COG5: variants seen among roughly 807,000 people sequenced by gnomAD.
The protein encoded by COG5 is component of oligomeric golgi complex 5.
Under a neutral mutation model 110.4 loss-of-function variants are expected in COG5, and 86 were observed. That is an observed-to-expected ratio of 0.78 (90% confidence interval 0.65 to 0.93). The LOEUF (loss-of-function observed/expected upper bound fraction) is 0.93. COG5 is among the 40% of genes least tolerant of loss of function. The probability of loss-of-function intolerance (pLI) is 0.00; values close to 1 mark genes in which losing one functional copy is unlikely to be tolerated. For missense variants in COG5, 1,077 were observed against 987.0 expected (o/e 1.09, Z -1.22); for synonymous variants, 360 against 334.6 (o/e 1.08, Z -0.83).
intron 6 of COG5, among the ~76,000 whole-genome samples, chr7:107,430,240 T>C (rs1012658716): frequency 8.5e-5 from 13 of 152,250 alleles, no homozygotes; most frequent in African/African-American, 2.4e-4. Context: ...TTTAGGTATA[T>C]GATACATTTT....
intron 6 of COG5, 68 bp downstream of exon 6, chr7:107,527,165 TCAAC>T: frequency 3.6e-6 from 5 of 1,384,658 alleles, no homozygotes; most frequent in Non-Finnish European, 4.9e-6. Flanking sequence ...ATAACAAAAG[TCAAC>T]CAATCAAGTG....
intron 6 of COG5, chr7:107,475,006 T>C (rs1291145889): frequency 6.2e-7 from 1 of 1,612,934 alleles, no homozygotes; most frequent in Admixed American, 1.7e-5. Context: ...CAGGATGTCT[T>C]TATTGATTAT....
chr7:107,274,572 A>G (rs1386136391), intron 14 of COG5, among the ~76,000 whole-genome samples: 1 of 152,142 alleles, frequency 6.6e-6, no homozygotes, highest in Non-Finnish European at 1.5e-5. Context: ...ATAGAGCAGA[A>G]GTTTTAATAT....
chr7:107,378,272 C>G (rs1004559175), intron 7 of COG5, among the ~76,000 whole-genome samples: 32 of 152,066 alleles, frequency 2.1e-4, no homozygotes, highest in Non-Finnish European at 4.1e-4. Flanking sequence ...TGAAGGTCAC[C>G]AACAGCAAAG....
chr7:107,469,477 T>C (rs1259171325), intron 6 of COG5, among the ~76,000 whole-genome samples: 1 of 152,072 alleles, frequency 6.6e-6, no homozygotes, highest in Admixed American at 6.6e-5. Context: ...GATTATTATT[T>C]TGAATGAATG....
intron 10 of COG5, among the ~76,000 whole-genome samples, chr7:107,341,403 A>G (rs910641444): frequency 1.3e-5 from 2 of 152,166 alleles, no homozygotes; most frequent in Non-Finnish European, 2.9e-5. Context: ...AAAACTTTCC[A>G]TGCTCATGGA....
intron 6 of COG5, among the ~76,000 whole-genome samples, chr7:107,449,470 T>A (rs914451301): frequency 6.6e-6 from 1 of 152,340 alleles, no homozygotes; most frequent in South Asian, 2.1e-4. Context: ...AAATGTTAAG[T>A]GATGCTATCA....
At chr7:107,209,422 G>A in intron 21 of COG5, 1 of 191,782 alleles carries the variant, frequency 5.2e-6, no homozygotes, top group South Asian at 1.8e-4. Flanking sequence ...GATTTCTGTG[G>A]GTGGTGACAT....
chr7:107,353,655 T>C (rs1812373786), intron 10 of COG5, among the ~76,000 whole-genome samples: 1 of 152,092 alleles, frequency 6.6e-6, no homozygotes, highest in African/African-American at 2.4e-5. Flanking sequence ...TAAACTAAAA[T>C]ACCACTTAGG....
intron 6 of COG5, among the ~76,000 whole-genome samples, chr7:107,426,324 G>C (rs996556537): frequency 6.6e-6 from 1 of 152,176 alleles, no homozygotes; most frequent in African/African-American, 2.4e-5. Flanking sequence ...GCACACAGCA[G>C]TTAATTAACT....
chr7:107,541,041 C>G (rs1801943272), intron 5 of COG5, among the ~76,000 whole-genome samples: 1 of 151,774 alleles, frequency 6.6e-6, no homozygotes, highest in South Asian at 2.1e-4. Context: ...ATCCCAGCTA[C>G]TCAGGAGGTT....
chr7:107,255,866 G>C (rs1314075339), intron 16 of COG5, among the ~76,000 whole-genome samples: 1 of 152,024 alleles, frequency 6.6e-6, no homozygotes, highest in Non-Finnish European at 1.5e-5. Context: ...TAAATATTTA[G>C]CAAATAAAGG....
rs112933242 is a variant in COG5, at chr7:107,533,546, A to C, written c.418-6189T>G. ...ACAAGTATCAATAGCCGAATAGATC[A>C]AGTGGAAGAAAGGATATCAGAGACT... On this transcript the variant is annotated intron_variant, in intron 5 of 21. Coordinates refer to ENST00000297135, the MANE Select transcript of COG5 (RefSeq NM_006348.5). Among the ~76,000 whole-genome samples, 788 of 151,798 alleles carry C rather than the reference A, an allele frequency of 5.2e-3. 33 individuals carry two copies. Among genetic ancestry groups the C allele is most frequent in the African/African-American group, 0.018 (744 of 41,046 alleles).
At chr7:107,330,181 G>A (rs1260454746) in intron 10 of COG5, among the ~76,000 whole-genome samples, 3 of 152,100 alleles carry the variant, frequency 2.0e-5, no homozygotes, top group Non-Finnish European at 2.9e-5. Flanking sequence ...ATCAATTCAG[G>A]GAAACATTTG....
At chr7:107,560,163 A>G (rs908674682) in intron 1 of COG5, among the ~76,000 whole-genome samples, 2 of 152,202 alleles carry the variant, frequency 1.3e-5, no homozygotes, top group South Asian at 2.1e-4. Flanking sequence ...TTTCACACAG[A>G]TATCTTAAAA....
intron 18 of COG5, among the ~76,000 whole-genome samples, chr7:107,235,905 C>T (rs1801150755): frequency 6.6e-6 from 1 of 152,182 alleles, no homozygotes; most frequent in Non-Finnish European, 1.5e-5. Context: ...ATCTCTCACA[C>T]ACATCAGATA....
intron 6 of COG5, among the ~76,000 whole-genome samples, chr7:107,493,888 T>G (rs1161138528): frequency 2.0e-5 from 3 of 152,164 alleles, no homozygotes. Context: ...TTCTTCTAAA[T>G]AAGGGAAAGA....
chr7:107,209,037 A>G (rs1798973603), intron 21 of COG5: 10 of 982,470 alleles, frequency 1.0e-5, no homozygotes, highest in Non-Finnish European at 1.2e-5. Context: ...GGCACTAGGA[A>G]TTTTCCAAGC....
In COG5 at chr7:107,202,482, C is replaced by T. The variant is rs1798401953; in HGVS notation, c.*1034G>A. On this transcript the variant is annotated 3_prime_UTR_variant, in exon 22 of 22. Coordinates refer to ENST00000297135, the MANE Select transcript of COG5 (RefSeq NM_006348.5). ...GCCCCTAAATTTTGCACACTATATT[C>T]TTGTATATTATTTCAAATAAATGGA... is the stretch of plus-strand genomic sequence containing the variant. The T allele has an allele frequency of 6.6e-6, 1 of 152,478 alleles. No individual in the cohort carries two copies. Among genetic ancestry groups the T allele is most frequent in the South Asian group, 2.1e-4 (1 of 4,826 alleles). 9.4% of individuals were successfully genotyped at this position (152,478 alleles called of 1,614,324 possible).
Sources: allele counts gnomAD v4.1 joint callset (sites outside exome capture counted in the v4.1 genomes callset), GRCh38; gene constraint gnomAD v4.1.1; transcripts MANE v1.5; gene names NCBI Gene and HGNC (gene_info 2026-07-23, HGNC 2026-07-21).